Variants in FAM135B observed in about 807,000 individuals in gnomAD.
The protein encoded by FAM135B is protein FAM135B.
FAM135B carries 43 observed loss-of-function variants against 127.7 expected under a neutral mutation model. The observed-to-expected ratio is 0.34, with a 90% confidence interval of 0.26 to 0.43. The LOEUF is 0.43. Among genes scored for constraint, FAM135B ranks in the 20% least tolerant of loss-of-function variants. The pLI is 1.00. For missense variants in FAM135B, 1,558 were observed against 1,725.6 expected (o/e 0.90, Z 1.72); for synonymous variants, 670 against 665.1 (o/e 1.01, Z -0.11).
At chr8:138,432,091 C>T (rs1587439532) in intron 1 of FAM135B, among the ~76,000 whole-genome samples, 2 of 152,224 alleles carry the variant, frequency 1.3e-5, no homozygotes, top group Middle Eastern at 3.4e-3. Context: ...GGTGTAGGCT[C>T]CTTCTCCCCT....
At position 138,139,089 on chromosome 8, in the gene FAM135B, C is replaced by A. The variant is rs770038980; in HGVS notation, c.3798G>T (p.Trp1266Cys). 2 of 1,604,572 alleles carry A rather than the reference C, an allele frequency of 1.2e-6. No homozygotes were observed. Among genetic ancestry groups the A allele is most frequent in the African/African-American group, 2.7e-5 (2 of 74,724 alleles). Residue 1266 changes from tryptophan to cysteine, a missense_variant, in exon 18 of 20, where the codon TGG becomes TGT. Physicochemically the swap from Trp to Cys is radical, Grantham distance 215. Around this residue, in one of 5 missense-constraint regions of FAM135B, gnomAD observed 194 missense variants for 333.8 expected, o/e 0.58. Coordinates refer to ENST00000395297, the MANE Select transcript of FAM135B (RefSeq NM_015912.4). The part of the protein sequence containing the change: ...NNSTLVSTGL[W>C]LMQKLKKSGS... ...CGGATTTCTTCAGTTTCTGCATGAG[C>A]CATAAGCCTAGGAAGACAAAAACAA...
At chr8:138,421,886 C>A (rs1834530057) in intron 1 of FAM135B, among the ~76,000 whole-genome samples, 2 of 152,134 alleles carry the variant, frequency 1.3e-5, no homozygotes, top group Admixed American at 1.3e-4. Context: ...GCAAACTGCA[C>A]TACAAGGCTA....
Position 138,327,296 on chromosome 8 carries a change from C to CA in FAM135B, c.78-16377dup, listed in dbSNP as rs1480652051. Among the ~76,000 whole-genome samples the CA allele has an allele frequency of 4.6e-5, 7 of 152,070 alleles. No individual in the cohort carries two copies. In the East Asian group the frequency reaches 1.3e-3, roughly 29 times the overall value. ...TGTCACATTCTATCTGGACAATATTCAAAAAAGATTCTTTCAATATTCCTC... is the reference window on the plus strand; with the variant it reads ...TGTCACATTCTATCTGGACAATATTCAAAAAAAGATTCTTTCAATATTCCTC... On this transcript the variant is annotated intron_variant, in intron 2 of 19. Coordinates refer to ENST00000395297, the MANE Select transcript of FAM135B (RefSeq NM_015912.4).
intron 4 of FAM135B, among the ~76,000 whole-genome samples, chr8:138,260,505 C>T (rs930633710): frequency 2.0e-5 from 3 of 152,186 alleles, no homozygotes; most frequent in African/African-American, 7.2e-5. Context: ...GAACTCCTTT[C>T]ACTCCCTAGT....
chr8:138,392,404 G>A (rs1247265000), intron 1 of FAM135B, among the ~76,000 whole-genome samples: 2 of 152,300 alleles, frequency 1.3e-5, no homozygotes, highest in East Asian at 3.9e-4. Context: ...GGAAAAGTGA[G>A]GGGGATATAT....
intron 1 of FAM135B, among the ~76,000 whole-genome samples, chr8:138,395,427 G>T (rs1238301618): frequency 2.6e-5 from 4 of 152,050 alleles, no homozygotes; most frequent in African/African-American, 9.7e-5. Context: ...AGGAGCTATG[G>T]GGGAAAGGGA....
At chr8:138,171,111 A>C (rs1340293528) in intron 11 of FAM135B, among the ~76,000 whole-genome samples, 2 of 152,168 alleles carry the variant, frequency 1.3e-5, no homozygotes, top group Admixed American at 6.5e-5. Context: ...TCCAGCTTGC[A>C]GAAGGCCCAT....
chr8:138,149,558 G>A (rs939635535), intron 13 of FAM135B, among the ~76,000 whole-genome samples: 1 of 152,184 alleles, frequency 6.6e-6, no homozygotes, highest in African/African-American at 2.4e-5. Context: ...GCAAGATGAT[G>A]GTTAGGGGAC....
intron 7 of FAM135B, among the ~76,000 whole-genome samples, chr8:138,199,816 G>T (rs1816967183): frequency 6.6e-6 from 1 of 152,166 alleles, no homozygotes; most frequent in Non-Finnish European, 1.5e-5. Flanking sequence ...CATGAGAACA[G>T]CAGAGGGGGA....
intron 5 of FAM135B, among the ~76,000 whole-genome samples, chr8:138,253,601 C>T (rs563596208): frequency 2.0e-5 from 3 of 152,300 alleles, no homozygotes; most frequent in East Asian, 3.9e-4. Context: ...AAGCCCCGCC[C>T]TTATTGTTGC....
intron 12 of FAM135B, among the ~76,000 whole-genome samples, chr8:138,159,285 A>C (rs1056759484): frequency 4.5e-5 from 6 of 133,860 alleles, no homozygotes; most frequent in Non-Finnish European, 6.4e-5. Context: ...TCTCAAAAAA[A>C]AAAAAAGACA....
At chr8:138,322,211 T>A (rs1426058792) in intron 2 of FAM135B, among the ~76,000 whole-genome samples, 2 of 152,324 alleles carry the variant, frequency 1.3e-5, no homozygotes, top group South Asian at 4.1e-4. Flanking sequence ...TGATCACAGC[T>A]TCCCATAAAG....
At chr8:138,473,258 G>C (rs1168995260) in intron 1 of FAM135B, among the ~76,000 whole-genome samples, 4 of 152,048 alleles carry the variant, frequency 2.6e-5, no homozygotes, top group Non-Finnish European at 5.9e-5. Context: ...CCAACAGACA[G>C]CCACACCCTC....
chr8:138,379,773 GA>G (rs2131278566), intron 1 of FAM135B, among the ~76,000 whole-genome samples: 1 of 152,276 alleles, frequency 6.6e-6, no homozygotes, highest in South Asian at 2.1e-4. Context: ...CACATTCATT[GA>G]GGTTGGGGGA....
At chr8:138,288,346 G>A (rs1225659278) in intron 3 of FAM135B, among the ~76,000 whole-genome samples, 1 of 152,172 alleles carries the variant, frequency 6.6e-6, no homozygotes, top group Non-Finnish European at 1.5e-5. Context: ...AAATCTACCT[G>A]AGAAAAAGAG....
chr8:138,174,412 C>T (rs1398368892), intron 11 of FAM135B, among the ~76,000 whole-genome samples: 2 of 152,120 alleles, frequency 1.3e-5, no homozygotes, highest in Non-Finnish European at 2.9e-5. Context: ...CGTTAACGCA[C>T]AGGTGCCAGC....
chr8:138,230,917 G>A (rs1030884335), intron 7 of FAM135B, among the ~76,000 whole-genome samples: 1 of 152,136 alleles, frequency 6.6e-6, no homozygotes, highest in Non-Finnish European at 1.5e-5. Flanking sequence ...CACATTCAAA[G>A]TTTTAAAATC....
At chr8:138,407,631 A>C (rs879598334) in intron 1 of FAM135B, among the ~76,000 whole-genome samples, 1 of 152,200 alleles carries the variant, frequency 6.6e-6, no homozygotes, top group Non-Finnish European at 1.5e-5. Flanking sequence ...GATCTTTGAC[A>C]AACCTGAGAA....
intron 3 of FAM135B, among the ~76,000 whole-genome samples, chr8:138,299,503 C>T (rs6987674): frequency 0.052 from 7,845 of 152,198 alleles, 640 homozygotes; most frequent in African/African-American, 0.17. Flanking sequence ...CTGCCAACGG[C>T]AGGCTACCTG....
Sources: gnomAD v4.1 joint callset for allele counts (sites outside exome capture counted in the v4.1 genomes callset) on GRCh38, gnomAD v4.1.1 for gene constraint, gnomAD v4.1.1 regional missense constraint, MANE v1.5 for transcripts, NCBI Gene and HGNC (gene_info 2026-07-23, HGNC 2026-07-21) for gene names.